RBM19: variants seen among roughly 807,000 people sequenced by gnomAD.
RBM19 encodes probable RNA-binding protein 19.
In RBM19, 94 loss-of-function variants were observed where a neutral mutation model predicts 116.8. The observed-to-expected ratio is 0.80, with a 90% CI of 0.68 to 0.95. The LOEUF (loss-of-function observed/expected upper bound fraction) is 0.95. Among genes scored for constraint, RBM19 ranks in the 40% least tolerant of loss-of-function variants. The pLI, the probability that RBM19 is intolerant of heterozygous loss-of-function variation, is 0.00. For synonymous variants in RBM19, 475 were observed against 494.1 expected, an observed-to-expected ratio of 0.96 and a Z score of 0.51; for missense variants, 1,161 against 1,220.7, an observed-to-expected ratio of 0.95 and a Z score of 0.73.
intron 23 of RBM19, among the ~76,000 whole-genome samples, chr12:113,832,852 T>C (rs1185963494): frequency 6.6e-6 from 1 of 152,224 alleles, no homozygotes; most frequent in African/African-American, 2.4e-5. Flanking sequence ...TATGTTTTCA[T>C]GGGCAAGATC....
intron 23 of RBM19, among the ~76,000 whole-genome samples, chr12:113,834,126 C>A (rs183144271): frequency 1.3e-5 from 2 of 152,030 alleles, no homozygotes; most frequent in Admixed American, 6.5e-5. Flanking sequence ...TTTGGTAGGG[C>A]AGGGGAGGGG....
intron 23 of RBM19, among the ~76,000 whole-genome samples, chr12:113,842,779 T>G (rs1876611968): frequency 1.3e-5 from 2 of 151,884 alleles, no homozygotes; most frequent in Non-Finnish European, 2.9e-5. Context: ...GGAGGTGTCA[T>G]TCTATCTGGG....
At chr12:113,884,276 A>G (rs1054251478) in intron 21 of RBM19, among the ~76,000 whole-genome samples, 2 of 139,998 alleles carry the variant, frequency 1.4e-5, no homozygotes, top group Non-Finnish European at 3.0e-5. Context: ...GACCAAGACA[A>G]TATCTCAAAA....
chr12:113,821,843 C>T (rs780321079), downstream of RBM19, among the ~76,000 whole-genome samples: 10 of 152,164 alleles, frequency 6.6e-5, no homozygotes, highest in South Asian at 2.1e-4. Flanking sequence ...GGGTGCCTGC[C>T]CTAGAGGACA....
intron 21 of RBM19, among the ~76,000 whole-genome samples, chr12:113,859,586 C>T (rs751317422): frequency 3.9e-5 from 6 of 152,144 alleles, no homozygotes; most frequent in African/African-American, 1.2e-4. Flanking sequence ...CTGGTAACCA[C>T]GGCCTTGGAC....
At chr12:113,936,705 GT>G (rs1870097847) in intron 16 of RBM19, 1 of 242,330 alleles carries the variant, frequency 4.1e-6, no homozygotes, top group African/African-American at 2.3e-5. Context: ...AGCCATTCTG[GT>G]CCATCTCTGA....
Position 113,899,952 on chromosome 12 carries a change from G to A in RBM19, c.2558+15017C>T, listed in dbSNP as rs7309511. Among the ~76,000 whole-genome samples the A allele has an allele frequency of 5.5e-3, 838 of 152,302 alleles. 6 individuals carry two copies. The highest frequency in any genetic ancestry group is 0.019 in the African/African-American group (787 of 41,560). On this transcript the variant is annotated intron_variant, in intron 21 of 23. Coordinates refer to ENST00000261741, the MANE Select transcript of RBM19 (RefSeq NM_016196.4). ...GAATGCAGACAGGGGAGGTGTGAAA[G>A]CAAGGTTAGAGTGAGCTGCCGCGGC...
chr12:113,940,055 G>A lies in RBM19; in HGVS notation c.1843C>T (p.Arg615Cys), dbSNP rs767542752. 2.4e-5 allele frequency: 38 copies of A among 1,613,894 alleles called. No individual in the cohort carries two copies. The highest frequency in any genetic ancestry group is 6.7e-5 in the Admixed American group (4 of 60,014). ...ETFGHFGSLG[R>C]VLLPEGGITA... ...ATTCCGCCCTCTGGCAGCAGCACGCGGCCCAGGCTGCCAAAATGGCCGAAG... is the reference window on the plus strand; with the variant it reads ...ATTCCGCCCTCTGGCAGCAGCACGCAGCCCAGGCTGCCAAAATGGCCGAAG... The change falls in exon 15 of 24, where the codon CGC becomes TGC. Residue 615 changes from arginine to cysteine, a missense_variant. By Grantham distance (180) the Arg-to-Cys change is radical. Transcript: ENST00000261741.
chr12:113,852,928 A>G (rs1877570255), intron 22 of RBM19, among the ~76,000 whole-genome samples: 5 of 152,250 alleles, frequency 3.3e-5, no homozygotes, highest in Non-Finnish European at 2.9e-5. Context: ...TTTACTGTGC[A>G]CACAACACGG....
At chr12:113,852,724 G>A (rs1418013172) in intron 22 of RBM19, among the ~76,000 whole-genome samples, 1 of 152,222 alleles carries the variant, frequency 6.6e-6, no homozygotes, top group Non-Finnish European at 1.5e-5. Context: ...CTCAAGGGCA[G>A]CCTTATTATT....
At chr12:113,881,021 C>T (rs1156871296) in intron 21 of RBM19, among the ~76,000 whole-genome samples, 1 of 152,176 alleles carries the variant, frequency 6.6e-6, no homozygotes, top group East Asian at 1.9e-4. Context: ...CATCAGTACC[C>T]ACATCACATC....
At chr12:113,823,678 C>T (rs888654259) in intron 23 of RBM19, among the ~76,000 whole-genome samples, 14 of 152,140 alleles carry the variant, frequency 9.2e-5, no homozygotes, top group Non-Finnish European at 1.6e-4. Flanking sequence ...GCCATCCCCT[C>T]CCCATCTTCT....
chr12:113,959,687 C>T (rs541934772), intron 4 of RBM19, among the ~76,000 whole-genome samples, 178 bp downstream of exon 4: 170 of 152,158 alleles, frequency 1.1e-3, no homozygotes, highest in Admixed American at 2.3e-3. Flanking sequence ...TCCTCTCCAG[C>T]CTCTTCCCTC....
intron 23 of RBM19, among the ~76,000 whole-genome samples, chr12:113,831,404 C>T (rs1232212258): frequency 6.6e-6 from 1 of 152,186 alleles, no homozygotes; most frequent in African/African-American, 2.4e-5. Flanking sequence ...TGGCCACCCC[C>T]TACCACCAGC....
chr12:113,887,507 T>C (rs2135800325), intron 21 of RBM19, among the ~76,000 whole-genome samples: 2 of 150,128 alleles, frequency 1.3e-5, no homozygotes, highest in Middle Eastern at 6.9e-3. Context: ...CGTGGTGGCA[T>C]GCACTTGTGG....
At chr12:113,890,161 A>C (rs941851066) in intron 21 of RBM19, among the ~76,000 whole-genome samples, 14 of 152,244 alleles carry the variant, frequency 9.2e-5, no homozygotes, top group Non-Finnish European at 2.9e-5. Flanking sequence ...TAAATTAAAT[A>C]AAACACTAGA....
At chr12:113,838,729 T>C (rs1318271001) in intron 23 of RBM19, among the ~76,000 whole-genome samples, 2 of 152,194 alleles carry the variant, frequency 1.3e-5, no homozygotes, top group African/African-American at 4.8e-5. Flanking sequence ...TTGGTATTAT[T>C]TAGCTTGAAC....
rs149041921 is a variant in RBM19 at position 113,898,642 on chromosome 12, C to G, written c.2558+16327G>C. Among the ~76,000 whole-genome samples, 5 of 152,312 alleles carry G rather than the reference C, an allele frequency of 3.3e-5. No homozygotes were observed. The highest frequency in any genetic ancestry group is 1.2e-4 in the African/African-American group (5 of 41,576). Reference sequence around the variant, plus strand: ...GGCAAGACTCAGAGAAGCAAGAGGTCTAATCGTGCTGAACCAGCAAATGAA... The same window carrying G: ...GGCAAGACTCAGAGAAGCAAGAGGTGTAATCGTGCTGAACCAGCAAATGAA... On this transcript the variant is annotated intron_variant, in intron 21 of 23. Transcript: ENST00000261741. The surrounding 1 kb of genome is among the most constrained non-coding windows in gnomAD (Gnocchi z 4.3).
chr12:113,902,003 A>T (rs1881731492), intron 21 of RBM19, among the ~76,000 whole-genome samples: 1 of 152,226 alleles, frequency 6.6e-6, no homozygotes, highest in Admixed American at 6.5e-5. Context: ...TGTAAGAAAG[A>T]ATCAGAGAGA....
Sources: gnomAD v4.1 joint callset for allele counts (sites outside exome capture counted in the v4.1 genomes callset) on GRCh38, gnomAD v4.1.1 for gene constraint, Gnocchi (gnomAD v3.1) non-coding constraint, MANE v1.5 for transcripts, NCBI Gene and HGNC (gene_info 2026-07-23, HGNC 2026-07-21) for gene names.